Variants in QPCT observed in about 807,000 individuals in gnomAD.
QPCT encodes EC.
A neutral mutation model predicts 43.4 loss-of-function variants in QPCT; 44 were observed. The ratio of observed to expected loss-of-function variants is 1.01; its 90% CI spans 0.80 to 1.30. The LOEUF (loss-of-function observed/expected upper bound fraction) is 1.30, where lower values mean the gene tolerates loss of function less well. Among genes scored for constraint, QPCT ranks in the 50% most tolerant of loss-of-function variants. QPCT has a pLI of 0.00. For synonymous variants in QPCT, 168 were observed against 168.4 expected, an observed-to-expected ratio of 1.00 and a Z score of 0.02; for missense variants, 526 against 436.5, an observed-to-expected ratio of 1.21 and a Z score of -1.83.
chr2:37,344,768 C>T lies in QPCT; in HGVS notation c.37C>T (p.Leu13Phe). 2 of 1,609,112 alleles carry T rather than the reference C, an allele frequency of 1.2e-6. No homozygotes were observed. Among genetic ancestry groups the T allele is most frequent in the Non-Finnish European group, 1.7e-6 (2 of 1,178,716 alleles). The stretch of plus-strand genomic sequence containing the variant: ...AAGACACCGGCGCGTCGTGGGCACC[C>T]TCCACCTGCTGCTGCTGGTGGCCGC... ...GGRHRRVVGT[L>F]HLLLLVAALP... Residue 13 changes from leucine to phenylalanine, a missense_variant, in exon 1 of 7, where the codon CTC (leucine) becomes TTC (phenylalanine). By Grantham distance (22) the Leu-to-Phe change is conservative (BLOSUM62 0). Transcript: ENST00000338415.
At chr2:37,350,221 T>C (rs550978884) in intron 1 of QPCT, among the ~76,000 whole-genome samples, 1 of 152,296 alleles carries the variant, frequency 6.6e-6, no homozygotes, top group South Asian at 2.1e-4. Flanking sequence ...CCTGGCCAAA[T>C]GCCAGAGTGA....
chr2:37,365,849 A>T (rs1672948474), intron 3 of QPCT, among the ~76,000 whole-genome samples: 1 of 152,220 alleles, frequency 6.6e-6, no homozygotes, highest in African/African-American at 2.4e-5. Context: ...GACTGAACTA[A>T]GAAAATACAA....
At position 37,369,737 on chromosome 2, in the gene QPCT, A is replaced by T. The variant is rs373376824; in HGVS notation, c.776A>T (p.Asn259Ile). ...LIGAPNPTFP[N>I]FFPNSARWFE... ...GGAGCTCCAAACCCAACGTTTCCCA[A>T]TTTTTTTCCAAACTCAGCCAGGTGG... Residue 259 changes from asparagine to isoleucine, a missense_variant, in exon 5 of 7, where the codon AAT (asparagine) becomes ATT (isoleucine). Physicochemically the swap from Asn to Ile is moderately radical, Grantham distance 149. Coordinates refer to ENST00000338415, the MANE Select transcript of QPCT (RefSeq NM_012413.4). 6.2e-7 allele frequency: 1 copy of T among 1,609,480 alleles called. No homozygotes were observed.
intron 2 of QPCT, among the ~76,000 whole-genome samples, chr2:37,353,728 C>G (rs1672672701): frequency 6.6e-6 from 1 of 152,156 alleles, no homozygotes; most frequent in African/African-American, 2.4e-5. Flanking sequence ...TTTTTTCAAA[C>G]TAGCCCCATT....
intron 3 of QPCT, 47 bp downstream of exon 3, chr2:37,359,905 G>C (rs764898796): frequency 1.3e-6 from 2 of 1,555,592 alleles, no homozygotes; most frequent in Non-Finnish European, 1.8e-6. Context: ...TACATTAACA[G>C]TAACTCAGAG....
intron 2 of QPCT, 140 bp from the exon 3 acceptor site, chr2:37,359,440 T>G: frequency 1.3e-6 from 1 of 753,092 alleles, no homozygotes; most frequent in Non-Finnish European, 2.1e-6. Context: ...AATTATTAAT[T>G]GCAATAATAT....
chr2:37,367,036 A>G, intron 3 of QPCT, 196 bp from the exon 4 acceptor site: 1 of 562,148 alleles, frequency 1.8e-6, no homozygotes, highest in Non-Finnish European at 3.1e-6. Flanking sequence ...GGTGGTTTAT[A>G]TGGGTGAAGA....
rs911161570 is a variant in QPCT, at chr2:37,353,909, G to A, written c.267+974G>A. On this transcript the variant is annotated intron_variant, in intron 2 of 6. Coordinates refer to ENST00000338415, the MANE Select transcript of QPCT (RefSeq NM_012413.4). Reference sequence around the variant, plus strand: ...TTTCAGAGTCTCGCTCTGTCACCCAGGCTGGAGTGCAGTGGCGCGATCTCG... The same window carrying A: ...TTTCAGAGTCTCGCTCTGTCACCCAAGCTGGAGTGCAGTGGCGCGATCTCG... Among the ~76,000 whole-genome samples the A allele has an allele frequency of 4.6e-5, 7 of 152,316 alleles. No individual in the cohort carries two copies. In the South Asian group the frequency reaches 1.5e-3, roughly 32 times the overall value.
At chr2:37,345,782 G>T (rs1672474554) in intron 1 of QPCT, among the ~76,000 whole-genome samples, 1 of 147,304 alleles carries the variant, frequency 6.8e-6, no homozygotes, top group African/African-American at 2.5e-5. Flanking sequence ...CTTGCAGTAA[G>T]CCGAGATCGC....
intron 3 of QPCT, chr2:37,360,087 C>A: frequency 1.9e-6 from 1 of 524,264 alleles, no homozygotes. Flanking sequence ...ATTTATCAGC[C>A]TTGAATGCAC....
At chr2:37,356,867 G>A (rs1375218822) in intron 2 of QPCT, among the ~76,000 whole-genome samples, 3 of 152,102 alleles carry the variant, frequency 2.0e-5, no homozygotes, top group South Asian at 2.1e-4. Context: ...TTAGCTAGGC[G>A]TGGTGGCATG....
At chr2:37,349,220 G>T (rs1456815577) in intron 1 of QPCT, among the ~76,000 whole-genome samples, 1 of 152,166 alleles carries the variant, frequency 6.6e-6, no homozygotes, top group Non-Finnish European at 1.5e-5. Context: ...GGAGAGTCAG[G>T]GCTCTTTACT....
chr2:37,351,267 T>A (rs1672614825), intron 1 of QPCT, among the ~76,000 whole-genome samples: 1 of 152,248 alleles, frequency 6.6e-6, no homozygotes. Context: ...AATATTCTTA[T>A]GTCATCCTCA....
At chr2:37,368,412 A>G (rs1673007185) in intron 4 of QPCT, 1 of 263,908 alleles carries the variant, frequency 3.8e-6, no homozygotes, top group South Asian at 3.2e-5. Flanking sequence ...TTGGAACCTC[A>G]TGCTACCCTT....
At chr2:37,367,736 G>A (rs1672989576) in intron 4 of QPCT, among the ~76,000 whole-genome samples, 1 of 152,144 alleles carries the variant, frequency 6.6e-6, no homozygotes, top group Non-Finnish European at 1.5e-5. Context: ...GCTGGGTGTT[G>A]TGTATGCCTG....
chr2:37,370,836 G>A (rs990965522), intron 5 of QPCT, among the ~76,000 whole-genome samples: 8 of 152,200 alleles, frequency 5.3e-5, no homozygotes, highest in African/African-American at 7.2e-5. Flanking sequence ...ACAAAACAAA[G>A]CAAACTCTTG....
intron 5 of QPCT, among the ~76,000 whole-genome samples, chr2:37,371,376 G>C (rs188237641): frequency 7.0e-6 from 1 of 143,332 alleles, no homozygotes; most frequent in African/African-American, 2.6e-5. Context: ...AGAGAAAGCA[G>C]TGAGCTGAGG....
chr2:37,348,397 A>G (rs1251780227), intron 1 of QPCT, among the ~76,000 whole-genome samples: 1 of 152,160 alleles, frequency 6.6e-6, no homozygotes, highest in Non-Finnish European at 1.5e-5. Flanking sequence ...TCAGTTCCTA[A>G]CTATTCCCCC....
At chr2:37,354,600 G>C (rs1672701521) in intron 2 of QPCT, among the ~76,000 whole-genome samples, 1 of 152,194 alleles carries the variant, frequency 6.6e-6, no homozygotes. Flanking sequence ...GGAGGAATCA[G>C]CTCTGCTTCG....
Sources: gnomAD v4.1 joint callset for allele counts (sites outside exome capture counted in the v4.1 genomes callset) on GRCh38, gnomAD v4.1.1 for gene constraint, MANE v1.5 for transcripts, NCBI Gene and HGNC (gene_info 2026-07-23, HGNC 2026-07-21) for gene names.